Variants in TLN2 observed in about 807,000 individuals in gnomAD.
The protein encoded by TLN2 is talin-2.
TLN2 carries 118 observed loss-of-function variants against 294.7 expected under a neutral mutation model. The ratio of observed to expected loss-of-function variants is 0.40; its 90% CI spans 0.34 to 0.47. The LOEUF (loss-of-function observed/expected upper bound fraction) is 0.47. Ranked by LOEUF, TLN2 falls within the 20% of genes least tolerant of loss-of-function variation. The pLI is 0.84. For synonymous variants in TLN2, 1,431 were observed against 1,304.5 expected (o/e 1.10, Z -2.09); for missense variants, 3,083 against 3,282.2 (o/e 0.94, Z 1.48).
chr15:62,638,559 C>A (rs1422491879), intron 3 of TLN2: 1 of 455,872 alleles, frequency 2.2e-6, no homozygotes, highest in East Asian at 6.9e-5. Flanking sequence ...TCTGGTTGTG[C>A]TTTTCTAGCA....
At chr15:62,433,863 C>A (rs1258304391) in intron 1 of TLN2, among the ~76,000 whole-genome samples, 1 of 152,024 alleles carries the variant, frequency 6.6e-6, no homozygotes, top group Non-Finnish European at 1.5e-5. Flanking sequence ...ATGGCAGGTA[C>A]CTGTAATCCC....
chr15:62,708,883 C>CT, intron 21 of TLN2, 87 bp downstream of exon 21: 2 of 1,447,738 alleles, frequency 1.4e-6, no homozygotes, highest in Non-Finnish European at 1.8e-6. Context: ...TGAAGGCTGC[C>CT]TGGATGACTG....
chr15:62,666,965 C>CTT (rs2054733203), intron 9 of TLN2, among the ~76,000 whole-genome samples: 1 of 152,100 alleles, frequency 6.6e-6, no homozygotes, highest in African/African-American at 2.4e-5. Flanking sequence ...ACTGGCATTT[C>CTT]TTTTTCTTTT....
At chr15:62,509,492 A>G (rs2039815794) in intron 1 of TLN2, among the ~76,000 whole-genome samples, 1 of 152,236 alleles carries the variant, frequency 6.6e-6, no homozygotes, top group Non-Finnish European at 1.5e-5. Flanking sequence ...GGTGTCTTCT[A>G]GCAGAATCTA....
chr15:62,421,159 A>G lies in TLN2; in HGVS notation c.-238+30474A>G, dbSNP rs769425895. On this transcript the variant is annotated intron_variant, in intron 1 of 58. Coordinates refer to ENST00000636159, the MANE Select transcript of TLN2 (RefSeq NM_015059.3). The stretch of plus-strand genomic sequence containing the variant: ...TAAAAACTCCCTTCCTCACCAGTTC[A>G]TCTGCATCTTGTTACCGGTCCACGA... Among the ~76,000 whole-genome samples, 2 of 152,098 alleles carry G rather than the reference A, an allele frequency of 1.3e-5. 1 individual carries two copies. Among genetic ancestry groups the G allele is most frequent in the Non-Finnish European group, 2.9e-5 (2 of 68,018 alleles).
chr15:62,570,554 CTT>C (rs1298770960), intron 1 of TLN2, among the ~76,000 whole-genome samples: 1 of 152,154 alleles, frequency 6.6e-6, no homozygotes, highest in African/African-American at 2.4e-5. Context: ...CACTCTCTCT[CTT>C]TCCCTCCCCT....
chr15:62,434,838 G>GT (rs2035208090), intron 1 of TLN2, among the ~76,000 whole-genome samples: 1 of 152,200 alleles, frequency 6.6e-6, no homozygotes, highest in Non-Finnish European at 1.5e-5. Context: ...GTAAATGTGT[G>GT]CCATGGTGGT....
At chr15:62,424,414 A>C (rs1000538261) in intron 1 of TLN2, among the ~76,000 whole-genome samples, 1 of 152,134 alleles carries the variant, frequency 6.6e-6, no homozygotes, top group African/African-American at 2.4e-5. Context: ...CTTGAGTGAG[A>C]TCTGCAGTGG....
At chr15:62,828,715 G>A (rs370518810) in intron 54 of TLN2, 4 of 152,270 alleles carry the variant, frequency 2.6e-5, no homozygotes, top group African/African-American at 9.7e-5. Flanking sequence ...TGCTTACTCT[G>A]TGTATTTCTC....
At chr15:62,817,316 T>C (rs945241704) in intron 52 of TLN2, among the ~76,000 whole-genome samples, 1 of 152,224 alleles carries the variant, frequency 6.6e-6, no homozygotes, top group African/African-American at 2.4e-5. Flanking sequence ...CACTCATTAA[T>C]TAATTTGTTC....
intron 7 of TLN2, 111 bp downstream of exon 7, chr15:62,653,425 A>C: frequency 3.8e-6 from 5 of 1,315,076 alleles, no homozygotes; most frequent in South Asian, 4.0e-5. Context: ...TGTTTTTAAA[A>C]CTCTATTTTA....
intron 20 of TLN2, among the ~76,000 whole-genome samples, chr15:62,707,639 C>T (rs1338137170): frequency 6.6e-6 from 1 of 152,130 alleles, no homozygotes; most frequent in African/African-American, 2.4e-5. Context: ...GCACAGGGTC[C>T]GAGTGGGGAT....
At chr15:62,549,522 AG>A (rs2042181766) in intron 1 of TLN2, among the ~76,000 whole-genome samples, 1 of 152,092 alleles carries the variant, frequency 6.6e-6, no homozygotes, top group South Asian at 2.1e-4. Context: ...CCATCCATCC[AG>A]TGAGTTCCTG....
chr15:62,565,860 G>A lies in TLN2; in HGVS notation c.-237-23827G>A, dbSNP rs1393188004. 3.3e-5 allele frequency among the ~76,000 whole-genome samples: 5 copies of A among 152,156 alleles called. No individual in the cohort carries two copies. In the East Asian group the frequency reaches 9.7e-4, roughly 29 times the overall value. On this transcript the variant is annotated intron_variant, in intron 1 of 58. Coordinates refer to ENST00000636159, the MANE Select transcript of TLN2 (RefSeq NM_015059.3). ...GAAACTGGCATTTGGCCCTGGCATA[G>A]CATTGTCAGGGGCTGGGCTTTGGAG...
chr15:62,673,789 T>C, intron 9 of TLN2, 38 bp from the exon 10 acceptor site: 15 of 1,547,018 alleles, frequency 9.7e-6, no homozygotes, highest in Non-Finnish European at 1.3e-5. Flanking sequence ...TCATGGAACA[T>C]GATAAATGCC....
chr15:62,558,915 T>G (rs2042757306), intron 1 of TLN2, among the ~76,000 whole-genome samples: 1 of 152,210 alleles, frequency 6.6e-6, no homozygotes, highest in African/African-American at 2.4e-5. Flanking sequence ...CTTTCTTCTT[T>G]GTAAACACAT....
intron 1 of TLN2, among the ~76,000 whole-genome samples, chr15:62,534,734 C>T (rs1330995478): frequency 6.6e-6 from 1 of 152,182 alleles, no homozygotes; most frequent in Non-Finnish European, 1.5e-5. Context: ...TATCCTGAAG[C>T]TGGCTAGGGG....
chr15:62,638,395 A>G (rs990508909), intron 3 of TLN2: 5 of 376,842 alleles, frequency 1.3e-5, no homozygotes, highest in Non-Finnish European at 2.6e-5. Context: ...AACTGGGGAC[A>G]AATCTTTATG....
chr15:62,597,557 C>T (rs1470101369), intron 2 of TLN2, among the ~76,000 whole-genome samples: 2 of 152,172 alleles, frequency 1.3e-5, no homozygotes, highest in Non-Finnish European at 2.9e-5. Context: ...CTCTCACAGC[C>T]CGCCCTCCTT....
Sources: gnomAD v4.1 joint callset for allele counts (sites outside exome capture counted in the v4.1 genomes callset) on GRCh38, gnomAD v4.1.1 for gene constraint, MANE v1.5 for transcripts, NCBI Gene and HGNC (gene_info 2026-07-23, HGNC 2026-07-21) for gene names.